Variants in SGPP2 observed in about 807,000 individuals in gnomAD.
SGPP2 encodes sphingosine 1-phosphate phosphohydrolase 2.
In SGPP2, 30 loss-of-function variants were observed where a neutral mutation model predicts 33.9. The observed-to-expected ratio is 0.89, with a 90% CI of 0.66 to 1.20. The LOEUF (loss-of-function observed/expected upper bound fraction) is 1.20, where lower values mean the gene tolerates loss of function less well. Among genes scored for constraint, SGPP2 ranks in the 50% most tolerant of loss-of-function variants. The pLI is 0.00. For missense variants in SGPP2, 458 were observed against 532.1 expected (o/e 0.86, Z 1.37); for synonymous variants, 233 against 225.0 (o/e 1.04, Z -0.32).
intron 2 of SGPP2, among the ~76,000 whole-genome samples, chr2:222,509,743 CTT>C (rs765433221): frequency 6.6e-6 from 1 of 152,190 alleles, no homozygotes; most frequent in African/African-American, 2.4e-5. Context: ...TCTCATTTCT[CTT>C]TCTTTTTAAA....
intron 1 of SGPP2, among the ~76,000 whole-genome samples, chr2:222,444,974 C>A (rs1697378132): frequency 6.6e-6 from 1 of 152,138 alleles, no homozygotes; most frequent in Admixed American, 6.5e-5. Flanking sequence ...CATCCAGACT[C>A]CAATTAGTCC....
At chr2:222,442,879 C>T (rs1396991381) in intron 1 of SGPP2, among the ~76,000 whole-genome samples, 1 of 152,156 alleles carries the variant, frequency 6.6e-6, no homozygotes, top group Non-Finnish European at 1.5e-5. Context: ...TATTAAGATT[C>T]AGACCGCAAG....
In SGPP2 at chr2:222,424,809, C is replaced by A; in HGVS notation, c.207C>A (p.Ala69=). 1 of 1,372,764 alleles carries A rather than the reference C, an allele frequency of 7.3e-7. No homozygotes were observed. 85.0% of individuals were successfully genotyped at this position (1,372,764 alleles called of 1,614,324 possible). ...GEAPANGLRR[A]AAPEAYVQKY... is the part of the protein sequence containing the mutation. ...CTCCGGCCAACGGGCTGCGCAGAGC[C>A]GCGGCGCCGGAGGTAACCATGGGCA... Residue 69 remains alanine, a synonymous_variant, in exon 1 of 5, where the codon GCC becomes GCA. Coordinates refer to ENST00000321276, the MANE Select transcript of SGPP2 (RefSeq NM_152386.4).
chr2:222,432,876 C>T (rs751929016), intron 1 of SGPP2, among the ~76,000 whole-genome samples: 2 of 152,006 alleles, frequency 1.3e-5, no homozygotes, highest in Non-Finnish European at 2.9e-5. Flanking sequence ...ACAAAATTAG[C>T]GGGGCATGGT....
At chr2:222,554,659 G>A (rs906577453) in intron 4 of SGPP2, among the ~76,000 whole-genome samples, 10 of 151,996 alleles carry the variant, frequency 6.6e-5, no homozygotes, top group South Asian at 2.1e-4. Flanking sequence ...TTAAACCTCC[G>A]CATCTCTGTC....
intron 4 of SGPP2, among the ~76,000 whole-genome samples, chr2:222,533,279 A>G (rs1014444509): frequency 3.9e-5 from 6 of 152,120 alleles, no homozygotes; most frequent in African/African-American, 4.8e-5. Flanking sequence ...TTGGAGTGCC[A>G]CCATTCATGT....
At chr2:222,536,454 T>G (rs1698916453) in intron 4 of SGPP2, among the ~76,000 whole-genome samples, 1 of 152,134 alleles carries the variant, frequency 6.6e-6, no homozygotes, top group Non-Finnish European at 1.5e-5. Flanking sequence ...GCCAAGCAGG[T>G]GGATCACCTG....
intron 1 of SGPP2, among the ~76,000 whole-genome samples, chr2:222,459,379 A>C (rs2106082938): frequency 6.6e-6 from 1 of 151,954 alleles, no homozygotes; most frequent in African/African-American, 2.4e-5. Flanking sequence ...CAAACTCCTG[A>C]GCTCAAATGA....
At chr2:222,483,073 C>T (rs568995198) in intron 2 of SGPP2, among the ~76,000 whole-genome samples, 2 of 152,126 alleles carry the variant, frequency 1.3e-5, no homozygotes, top group African/African-American at 4.8e-5. Flanking sequence ...TTGGGCGGGA[C>T]AACATTAAAA....
chr2:222,489,285 A>C (rs1032783778), intron 2 of SGPP2, among the ~76,000 whole-genome samples: 1 of 152,202 alleles, frequency 6.6e-6, no homozygotes, highest in South Asian at 2.1e-4. Context: ...ACAATTTTCA[A>C]TGTTTGTCTA....
At chr2:222,440,358 T>G (rs1010570040) in intron 1 of SGPP2, among the ~76,000 whole-genome samples, 10 of 141,994 alleles carry the variant, frequency 7.0e-5, no homozygotes, top group African/African-American at 2.4e-4. Flanking sequence ...TTTTGTTTTT[T>G]TTTGAGACGG....
chr2:222,443,894 C>T (rs576911088), intron 1 of SGPP2, among the ~76,000 whole-genome samples: 6 of 152,276 alleles, frequency 3.9e-5, no homozygotes, highest in African/African-American at 1.4e-4. Context: ...CCTTGGTTTC[C>T]TTATCTGTGA....
rs1470173878 is a variant in SGPP2, at chr2:222,495,753, CT to C, written c.378+21028del. Among the ~76,000 whole-genome samples the C allele has an allele frequency of 1.2e-4, 18 of 152,290 alleles. 1 individual carries two copies. In the South Asian group the frequency reaches 3.7e-3, roughly 32 times the overall value. ...GACTCTCCAAATTCCCATTCTTTGGCTCATAAATGATTAGCTGAACTCTGTA... is the reference window on the plus strand; with the variant it reads ...GACTCTCCAAATTCCCATTCTTTGGCCATAAATGATTAGCTGAACTCTGTA... On this transcript the variant is annotated intron_variant, in intron 2 of 4. Transcript: ENST00000321276.
intron 2 of SGPP2, among the ~76,000 whole-genome samples, chr2:222,480,484 A>G (rs1432456698): frequency 6.6e-6 from 1 of 152,238 alleles, no homozygotes. Flanking sequence ...AGCCCAGGCT[A>G]AAGTGAAGTG....
chr2:222,494,465 A>G (rs1281103744), intron 2 of SGPP2, among the ~76,000 whole-genome samples: 2 of 152,230 alleles, frequency 1.3e-5, no homozygotes, highest in Non-Finnish European at 2.9e-5. Flanking sequence ...CTGACTAGTC[A>G]GGGAAATGCT....
intron 2 of SGPP2, among the ~76,000 whole-genome samples, chr2:222,506,398 ATATGT>A (rs1698445741): frequency 6.6e-6 from 1 of 152,188 alleles, no homozygotes; most frequent in African/African-American, 2.4e-5. Flanking sequence ...AAATTACTTG[ATATGT>A]ACCGTAGGTT....
At chr2:222,453,168 TC>T in intron 1 of SGPP2, 1 of 783,694 alleles carries the variant, frequency 1.3e-6, no homozygotes. Context: ...GTGAGGCATC[TC>T]AGCAGGAGAC....
intron 1 of SGPP2, among the ~76,000 whole-genome samples, chr2:222,461,328 G>A (rs1277702322): frequency 2.0e-5 from 3 of 151,998 alleles, no homozygotes; most frequent in African/African-American, 7.2e-5. Context: ...AGCATGTCCG[G>A]CATTGGTCCC....
At chr2:222,454,498 A>T (rs1697540987) in intron 1 of SGPP2, among the ~76,000 whole-genome samples, 1 of 152,240 alleles carries the variant, frequency 6.6e-6, no homozygotes. Context: ...GTGGTCTGTT[A>T]TGAAAGTCCC....
Sources: allele counts gnomAD v4.1 joint callset (sites outside exome capture counted in the v4.1 genomes callset), GRCh38; gene constraint gnomAD v4.1.1; transcripts MANE v1.5; gene names NCBI Gene and HGNC (gene_info 2026-07-23, HGNC 2026-07-21).